SCFD2: variants seen among roughly 807,000 people sequenced by gnomAD.
The protein encoded by SCFD2 is sec1 family domain containing 2, also known as sec1 family domain-containing protein 2.
Under a neutral mutation model 58.9 loss-of-function variants are expected in SCFD2, and 54 were observed. The observed-to-expected ratio is 0.92, with a 90% CI of 0.74 to 1.15. The LOEUF (loss-of-function observed/expected upper bound fraction) is 1.15, where lower values mean the gene tolerates loss of function less well. Among genes scored for constraint, SCFD2 ranks in the 50% most tolerant of loss-of-function variants. The pLI, the probability that SCFD2 is intolerant of heterozygous loss-of-function variation, is 0.00. For synonymous variants in SCFD2, 321 were observed against 335.9 expected (o/e 0.96, Z 0.49); for missense variants, 805 against 836.6 (o/e 0.96, Z 0.47).
intron 4 of SCFD2, among the ~76,000 whole-genome samples, chr4:53,179,625 G>A (rs1727472219): frequency 6.6e-6 from 1 of 152,138 alleles, no homozygotes; most frequent in South Asian, 2.1e-4. Flanking sequence ...ACATCATAAT[G>A]ACAGGATCAA....
Position 52,938,904 on chromosome 4 carries a change from T to A in SCFD2, c.1562-18034A>T, listed in dbSNP as rs1338414921. Reference sequence around the variant, plus strand: ...TGGTAGGATTTTACTCTTCTCTGAATGAGGTAGGGATTGGGCAGTAAAACA... The same window carrying A: ...TGGTAGGATTTTACTCTTCTCTGAAAGAGGTAGGGATTGGGCAGTAAAACA... On this transcript the variant is annotated intron_variant, in intron 5 of 8. Transcript: ENST00000401642. Among the ~76,000 whole-genome samples the A allele has an allele frequency of 2.0e-5, 3 of 152,186 alleles. No individual in the cohort carries two copies. In the East Asian group the frequency reaches 5.8e-4, roughly 29 times the overall value.
intron 2 of SCFD2, among the ~76,000 whole-genome samples, chr4:53,344,554 C>G (rs977046774): frequency 6.6e-6 from 1 of 152,142 alleles, no homozygotes; most frequent in African/African-American, 2.4e-5. Flanking sequence ...AATGCCATCC[C>G]CATCAAGCTA....
intron 3 of SCFD2, among the ~76,000 whole-genome samples, chr4:53,308,989 C>T (rs1238170919): frequency 6.6e-6 from 1 of 151,838 alleles, no homozygotes. Flanking sequence ...AAAAATTAGC[C>T]GGGCATGGTG....
rs576916507 is a variant in SCFD2, at chr4:52,928,303, T to C, written c.1562-7433A>G. ...GTGAGCTATGATCACCACTGTCCTC[T>C]AGCCTGGGTGACAGAGTGAGATTCT... On this transcript the variant is annotated intron_variant, in intron 5 of 8. Coordinates refer to ENST00000401642, the MANE Select transcript of SCFD2 (RefSeq NM_152540.4). Among the ~76,000 whole-genome samples the C allele has an allele frequency of 2.2e-4, 33 of 152,302 alleles. 1 individual carries two copies. Among genetic ancestry groups the C allele is most frequent in the African/African-American group, 7.5e-4 (31 of 41,570 alleles).
intron 2 of SCFD2, among the ~76,000 whole-genome samples, chr4:53,316,333 A>G (rs1158891489): frequency 6.8e-6 from 1 of 147,256 alleles, no homozygotes; most frequent in Admixed American, 6.8e-5. Flanking sequence ...TCTGGTGGGT[A>G]CACTCAGTAA....
intron 5 of SCFD2, among the ~76,000 whole-genome samples, chr4:53,071,475 T>C (rs549700844): frequency 1.3e-5 from 2 of 152,278 alleles, no homozygotes; most frequent in South Asian, 2.1e-4. Flanking sequence ...ACTTAATGTT[T>C]GTACTTTGTA....
At chr4:53,131,866 C>T (rs6834382) in intron 5 of SCFD2, among the ~76,000 whole-genome samples, 45,056 of 152,122 alleles carry the variant, frequency 0.3, 7,166 homozygotes, top group Non-Finnish European at 0.35. Context: ...TGTATTGTAT[C>T]TAATGTAGAG....
chr4:53,264,427 G>A (rs935652192), intron 4 of SCFD2, among the ~76,000 whole-genome samples: 3 of 152,128 alleles, frequency 2.0e-5, no homozygotes, highest in Non-Finnish European at 2.9e-5. Context: ...TCTCCTATCC[G>A]CCATCTTAAT....
At chr4:52,981,272 C>G (rs1303802867) in intron 5 of SCFD2, among the ~76,000 whole-genome samples, 2 of 152,136 alleles carry the variant, frequency 1.3e-5, no homozygotes, top group Non-Finnish European at 2.9e-5. Flanking sequence ...TAAATTCAGA[C>G]AGAAACTAGT....
intron 5 of SCFD2, among the ~76,000 whole-genome samples, chr4:53,005,090 G>T (rs1177242496): frequency 6.6e-6 from 1 of 152,098 alleles, no homozygotes; most frequent in Non-Finnish European, 1.5e-5. Context: ...TAGAGACGGG[G>T]TTTCACTATG....
intron 8 of SCFD2, among the ~76,000 whole-genome samples, chr4:52,881,604 C>G (rs775479183): frequency 1.3e-5 from 2 of 152,164 alleles, no homozygotes; most frequent in Non-Finnish European, 2.9e-5. Context: ...GTTAATCCAG[C>G]TTAATAGGAA....
intron 5 of SCFD2, among the ~76,000 whole-genome samples, chr4:52,923,928 C>A (rs1719803514): frequency 6.6e-6 from 1 of 152,048 alleles, no homozygotes; most frequent in South Asian, 2.1e-4. Flanking sequence ...CTAGGCTCAG[C>A]CATTTAAGAT....
chr4:53,277,464 A>T (rs1418786676), intron 3 of SCFD2, among the ~76,000 whole-genome samples: 1 of 152,162 alleles, frequency 6.6e-6, no homozygotes. Context: ...TGATCATACA[A>T]ATAATTACTT....
intron 1 of SCFD2, among the ~76,000 whole-genome samples, chr4:53,357,149 C>T (rs530895556): frequency 6.6e-6 from 1 of 152,078 alleles, no homozygotes; most frequent in Non-Finnish European, 1.5e-5. Flanking sequence ...AAGCCAGGCT[C>T]GGTGGCTGAT....
intron 3 of SCFD2, among the ~76,000 whole-genome samples, chr4:53,280,932 A>G (rs1355009947): frequency 2.0e-5 from 3 of 152,176 alleles, no homozygotes; most frequent in African/African-American, 4.8e-5. Context: ...TTGTGCTATC[A>G]AAGACAGCAG....
In SCFD2 at chr4:53,149,049, A is replaced by G. The variant is rs76176645; in HGVS notation, c.1312-3467T>C. ...AAGAAAAGCTTTATTGTGGATACAGATGGACAAATCCAGAAATAACTGTAG... is the reference window on the plus strand; with the variant it reads ...AAGAAAAGCTTTATTGTGGATACAGGTGGACAAATCCAGAAATAACTGTAG... On this transcript the variant is annotated intron_variant, in intron 4 of 8. Transcript: ENST00000401642. 1.3e-3 allele frequency among the ~76,000 whole-genome samples: 201 copies of G among 152,336 alleles called. 5 individuals are homozygous for G. The East Asian group carries it at 0.035, about 26-fold the overall frequency.
At chr4:52,938,497 C>G (rs544466425) in intron 5 of SCFD2, among the ~76,000 whole-genome samples, 1 of 152,156 alleles carries the variant, frequency 6.6e-6, no homozygotes, top group Non-Finnish European at 1.5e-5. Context: ...TTATGACAAA[C>G]CTACGAGTTA....
chr4:53,171,596 G>A (rs1056542899), intron 4 of SCFD2, among the ~76,000 whole-genome samples: 2 of 152,126 alleles, frequency 1.3e-5, no homozygotes, highest in African/African-American at 4.8e-5. Flanking sequence ...TTTTTTAAAT[G>A]TTTGGTAGAA....
intron 5 of SCFD2, among the ~76,000 whole-genome samples, chr4:53,069,893 T>A (rs555977605): frequency 1.4e-4 from 22 of 152,210 alleles, no homozygotes; most frequent in African/African-American, 4.3e-4. Flanking sequence ...ACTTTAATAA[T>A]ATACATATAC....
Sources: gnomAD v4.1 joint callset for allele counts (sites outside exome capture counted in the v4.1 genomes callset) on GRCh38, gnomAD v4.1.1 for gene constraint, MANE v1.5 for transcripts, NCBI Gene and HGNC (gene_info 2026-07-23, HGNC 2026-07-21) for gene names.